Variants in PARD3B observed in about 807,000 individuals in gnomAD.
The protein encoded by PARD3B is partitioning defective 3 homolog B.
Under a neutral mutation model 130.2 loss-of-function variants are expected in PARD3B, and 103 were observed. The observed-to-expected ratio is 0.79, with a 90% CI of 0.67 to 0.93. PARD3B has a LOEUF of 0.93. Among genes scored for constraint, PARD3B ranks in the 40% least tolerant of loss-of-function variants. PARD3B has a pLI of 0.00. For missense variants in PARD3B, 1,609 were observed against 1,499.2 expected (o/e 1.07, Z -1.21); for synonymous variants, 583 against 553.2 (o/e 1.05, Z -0.76).
chr2:204,825,421 C>T (rs73982553), intron 2 of PARD3B, among the ~76,000 whole-genome samples: 1,765 of 152,202 alleles, frequency 0.012, 31 homozygotes, highest in African/African-American at 0.039. Context: ...TAGATGAAGG[C>T]AAATAGGGAC....
At chr2:205,454,603 C>G (rs2048209349) in intron 20 of PARD3B, among the ~76,000 whole-genome samples, 1 of 152,102 alleles carries the variant, frequency 6.6e-6, no homozygotes, top group Non-Finnish European at 1.5e-5. Flanking sequence ...TTGGCCGTTA[C>G]TCAGCCTCTC....
chr2:205,615,907 T>C lies in PARD3B; in HGVS notation c.*94T>C. 1 of 1,062,858 alleles carries C rather than the reference T, an allele frequency of 9.4e-7. No individual in the cohort carries two copies. The highest frequency in any genetic ancestry group is 1.4e-6 in the Non-Finnish European group (1 of 721,898). The allele number at this position is 1,062,858 out of a possible 1,614,324, so 65.8% of individuals were successfully genotyped here. A position where few individuals can be genotyped will look rare whatever the true frequency, so the allele number is the denominator to read the frequency against. On this transcript the variant is annotated 3_prime_UTR_variant, in exon 23 of 23. Coordinates refer to ENST00000406610, the MANE Select transcript of PARD3B (RefSeq NM_001302769.2). ...CTGAAGACCTCCTTGGTGTTAGGAA[T>C]TCTCCATGTTACTGATAAGCTTTTT...
chr2:205,136,404 A>T (rs770814248), intron 10 of PARD3B, among the ~76,000 whole-genome samples: 1 of 152,224 alleles, frequency 6.6e-6, no homozygotes, highest in Non-Finnish European at 1.5e-5. Flanking sequence ...ATTAAATGCC[A>T]TTGAAGATGG....
chr2:204,553,679 T>TGGATATATATTTATATATATCC (rs2030689207), intron 1 of PARD3B, among the ~76,000 whole-genome samples: 1 of 94,264 alleles, frequency 1.1e-5, no homozygotes, highest in African/African-American at 4.4e-5. Context: ...TATATATATA[T>TGGATATATATTTATATATATCC]ATATATATAT....
chr2:205,364,328 T>C (rs1223832786), intron 18 of PARD3B, among the ~76,000 whole-genome samples: 3 of 152,192 alleles, frequency 2.0e-5, no homozygotes, highest in Non-Finnish European at 4.4e-5. Context: ...TTTGTTAGTC[T>C]TGACGTAGAT....
chr2:205,466,896 A>G (rs2048643956), intron 20 of PARD3B, among the ~76,000 whole-genome samples: 1 of 152,292 alleles, frequency 6.6e-6, no homozygotes, highest in South Asian at 2.1e-4. Flanking sequence ...TGTTTTTAGT[A>G]GAGACAGGGT....
intron 3 of PARD3B, among the ~76,000 whole-genome samples, chr2:204,991,191 G>T (rs1339617538): frequency 6.6e-6 from 1 of 150,466 alleles, no homozygotes; most frequent in Non-Finnish European, 1.5e-5. Flanking sequence ...GCATCATCTA[G>T]CATTAGGTAT....
At chr2:205,417,444 C>G (rs2046818791) in intron 19 of PARD3B, among the ~76,000 whole-genome samples, 1 of 152,082 alleles carries the variant, frequency 6.6e-6, no homozygotes, top group African/African-American at 2.4e-5. Flanking sequence ...GGTATATGCC[C>G]AGTAATGGGA....
chr2:204,570,661 T>C (rs1405910098), intron 1 of PARD3B, among the ~76,000 whole-genome samples: 1 of 152,148 alleles, frequency 6.6e-6, no homozygotes, highest in Non-Finnish European at 1.5e-5. Context: ...ACAGGATGAA[T>C]GGGAAATGAG....
chr2:205,550,724 G>A lies in PARD3B; in HGVS notation c.3181-2600G>A, dbSNP rs2052577660. ...ATTTCATACAATCTTATATGCTGTT[G>A]GGTATATTTCATAGGTGTGTGTATG... On this transcript the variant is annotated intron_variant, in intron 21 of 22. Coordinates refer to ENST00000406610, the MANE Select transcript of PARD3B (RefSeq NM_001302769.2). The surrounding 1 kb of genome is among the most constrained non-coding windows in gnomAD (Gnocchi z 4.5). Among the ~76,000 whole-genome samples, 1 of 151,092 alleles carries A rather than the reference G, an allele frequency of 6.6e-6. No homozygotes were observed. The highest frequency in any genetic ancestry group is 2.4e-5 in the African/African-American group (1 of 41,098).
At chr2:205,375,278 A>G (rs1165332209) in intron 18 of PARD3B, among the ~76,000 whole-genome samples, 4 of 152,228 alleles carry the variant, frequency 2.6e-5, no homozygotes, top group African/African-American at 4.8e-5. Flanking sequence ...GAACACTGAG[A>G]TAATTTGGAT....
chr2:205,251,924 T>C lies in PARD3B; in HGVS notation c.2185+6102T>C, dbSNP rs1259961306. On this transcript the variant is annotated intron_variant, in intron 16 of 22. Coordinates refer to ENST00000406610, the MANE Select transcript of PARD3B (RefSeq NM_001302769.2). Reference sequence around the variant, plus strand: ...TATAGCATTAGACACAAGAAATATATACATTTCTCACATGCTGCAGCCTTG... The same window carrying C: ...TATAGCATTAGACACAAGAAATATACACATTTCTCACATGCTGCAGCCTTG... Among the ~76,000 whole-genome samples the C allele has an allele frequency of 2.0e-5, 3 of 152,166 alleles. No homozygotes were observed. The East Asian group carries it at 5.8e-4, about 29-fold the overall frequency.
chr2:204,674,270 G>T (rs1281398931), intron 1 of PARD3B, among the ~76,000 whole-genome samples: 1 of 152,142 alleles, frequency 6.6e-6, no homozygotes, highest in Non-Finnish European at 1.5e-5. Context: ...GCGTTAGTTA[G>T]GTCGAGAAAT....
intron 10 of PARD3B, among the ~76,000 whole-genome samples, chr2:205,135,378 G>GA (rs1179364049): frequency 6.6e-6 from 1 of 151,976 alleles, no homozygotes; most frequent in East Asian, 1.9e-4. Context: ...AAAGATTAGG[G>GA]AAAAAAATAC....
intron 20 of PARD3B, among the ~76,000 whole-genome samples, chr2:205,466,981 G>A (rs2048648322): frequency 6.6e-6 from 1 of 152,210 alleles, no homozygotes; most frequent in African/African-American, 2.4e-5. Flanking sequence ...CCAAAGTGCT[G>A]GGATCACAGG....
intron 1 of PARD3B, among the ~76,000 whole-genome samples, chr2:204,553,367 A>G (rs1402744655): frequency 2.0e-5 from 3 of 151,980 alleles, no homozygotes; most frequent in African/African-American, 7.3e-5. Context: ...TAAAAGTAGA[A>G]CTACCATTTG....
At chr2:204,750,595 CACATACAT>C (rs138390138) in intron 2 of PARD3B, among the ~76,000 whole-genome samples, 36,026 of 149,506 alleles carry the variant, frequency 0.24, 4,906 homozygotes, top group African/African-American at 0.38. Context: ...CAAAAATACA[CACATACAT>C]ACATACATAC....
At chr2:204,683,504 T>C (rs1200311926) in intron 1 of PARD3B, among the ~76,000 whole-genome samples, 1 of 152,206 alleles carries the variant, frequency 6.6e-6, no homozygotes, top group Non-Finnish European at 1.5e-5. Flanking sequence ...TTTATGGTCT[T>C]ACGATGGCTG....
chr2:205,211,885 T>G (rs1441610804), intron 15 of PARD3B, among the ~76,000 whole-genome samples: 1 of 152,116 alleles, frequency 6.6e-6, no homozygotes, highest in African/African-American at 2.4e-5. Context: ...TGAAAAGGTT[T>G]CAGCTTGGAA....
Sources: allele counts gnomAD v4.1 joint callset (sites outside exome capture counted in the v4.1 genomes callset), GRCh38; gene constraint gnomAD v4.1.1; non-coding constraint Gnocchi (gnomAD v3.1); transcripts MANE v1.5; gene names NCBI Gene and HGNC (gene_info 2026-07-23, HGNC 2026-07-21).